INTS7: variants seen among roughly 807,000 people sequenced by gnomAD.
The protein encoded by INTS7 is integrator complex subunit 7, also known as chromosome 1 open reading frame 73.
Under a neutral mutation model 109.2 loss-of-function variants are expected in INTS7, and 46 were observed. That is an observed-to-expected ratio of 0.42 (90% CI 0.33 to 0.54). The LOEUF is 0.54. Among genes scored for constraint, INTS7 ranks in the 20% least tolerant of loss-of-function variants. The pLI, the probability that INTS7 is intolerant of heterozygous loss-of-function variation, is 0.07. For missense variants in INTS7, 929 were observed against 1,132.4 expected (o/e 0.82, Z 2.58); for synonymous variants, 412 against 402.9 (o/e 1.02, Z -0.27).
At chr1:211,961,479 G>A (rs1260849835) in intron 16 of INTS7, among the ~76,000 whole-genome samples, 1 of 151,598 alleles carries the variant, frequency 6.6e-6, no homozygotes, top group Non-Finnish European at 1.5e-5. Flanking sequence ...GCCCAGGCTG[G>A]AGTGCAGTGG....
intron 13 of INTS7, among the ~76,000 whole-genome samples, chr1:211,970,006 C>T (rs572812541): frequency 1.3e-5 from 2 of 152,264 alleles, no homozygotes; most frequent in South Asian, 4.1e-4. Context: ...GTGAGAGCCA[C>T]CGCGCCTGGC....
intron 7 of INTS7, among the ~76,000 whole-genome samples, chr1:212,000,494 C>G (rs1169806787): frequency 6.6e-6 from 1 of 152,170 alleles, no homozygotes; most frequent in Non-Finnish European, 1.5e-5. Flanking sequence ...AACCCCAACC[C>G]TACAATCTGT....
chr1:211,994,152 C>G (rs74453650), intron 7 of INTS7, among the ~76,000 whole-genome samples: 3,968 of 152,078 alleles, frequency 0.026, 58 homozygotes, highest in African/African-American at 0.046. Context: ...AAGGGAAGCC[C>G]TACAATTACT....
rs559941078 is a variant in INTS7 at position 211,968,955 on chromosome 1, A to T, written c.1816-248T>A. Among the ~76,000 whole-genome samples the T allele has an allele frequency of 1.2e-4, 19 of 152,278 alleles. No individual in the cohort carries two copies. In the East Asian group the frequency reaches 3.5e-3, roughly 28 times the overall value. On this transcript the variant is annotated intron_variant, in intron 13 of 19. Coordinates refer to ENST00000366994, the MANE Select transcript of INTS7 (RefSeq NM_015434.4). ...TTCCTTACTGCCTACATTCACAAAGACCCCATAATATGTGAATTGTCAAGA... is the reference window on the plus strand; with the variant it reads ...TTCCTTACTGCCTACATTCACAAAGTCCCCATAATATGTGAATTGTCAAGA...
At chr1:211,945,544 A>T (rs1662811145) in intron 18 of INTS7, among the ~76,000 whole-genome samples, 1 of 152,222 alleles carries the variant, frequency 6.6e-6, no homozygotes, top group Admixed American at 6.5e-5. Context: ...GAAAAGATGG[A>T]AGAAATTTGA....
intron 15 of INTS7, among the ~76,000 whole-genome samples, chr1:211,967,455 A>C (rs1330209926): frequency 1.3e-5 from 2 of 150,388 alleles, no homozygotes; most frequent in Admixed American, 6.6e-5. Context: ...CCATCTCAAA[A>C]AAAAAAAAAA....
intron 7 of INTS7, among the ~76,000 whole-genome samples, chr1:211,991,570 A>T (rs1311782909): frequency 6.6e-6 from 1 of 152,232 alleles, no homozygotes; most frequent in Non-Finnish European, 1.5e-5. Flanking sequence ...GTTGGCATTT[A>T]AAAAACTGAA....
chr1:212,012,848 T>G (rs149619458), intron 4 of INTS7, among the ~76,000 whole-genome samples: 18 of 152,308 alleles, frequency 1.2e-4, no homozygotes, highest in African/African-American at 4.3e-4. Context: ...GATTCTCATA[T>G]ATAAAATTTA....
chr1:212,035,194 A>G lies in INTS7; in HGVS notation c.94+150T>C, dbSNP rs898551756. 9.4e-6 allele frequency: 6 copies of G among 637,606 alleles called. No homozygotes were observed. In the Admixed American group the frequency reaches 1.3e-4, roughly 13 times the overall value. The allele number at this position is 637,606 out of a possible 1,614,324, so 39.5% of individuals were successfully genotyped here. On this transcript the variant is annotated intron_variant, in intron 1 of 19. Coordinates refer to ENST00000366994, the MANE Select transcript of INTS7 (RefSeq NM_015434.4). ...TTTCCCGCAACCTCCCGAAGGGGTC[A>G]AAGCCCACGCCCCAGCAAAAGCACA...
At chr1:212,000,855 C>T (rs1278038880) in intron 7 of INTS7, among the ~76,000 whole-genome samples, 1 of 152,154 alleles carries the variant, frequency 6.6e-6, no homozygotes, top group Non-Finnish European at 1.5e-5. Flanking sequence ...CCTTCCTATT[C>T]TATGTGAACT....
intron 18 of INTS7, 122 bp from the exon 19 acceptor site, chr1:211,945,091 C>T (rs1157415001): frequency 2.5e-6 from 2 of 797,846 alleles, no homozygotes; most frequent in Non-Finnish European, 4.0e-6. Flanking sequence ...CCCACCCCCA[C>T]AGGACCTGAC....
In INTS7 at chr1:212,001,400, G is replaced by A. The variant is rs116535157; in HGVS notation, c.879+5239C>T. 3.7e-3 allele frequency among the ~76,000 whole-genome samples: 570 copies of A among 152,106 alleles called. 5 individuals are homozygous for A. Among genetic ancestry groups the A allele is most frequent in the African/African-American group, 0.013 (533 of 41,470 alleles). On this transcript the variant is annotated intron_variant, in intron 7 of 19. Coordinates refer to ENST00000366994, the MANE Select transcript of INTS7 (RefSeq NM_015434.4). ...TACAGTAGGCACTCAATATTCATGGGTTCCGCATCCACTGATTCAACCAAA... is the reference window on the plus strand; with the variant it reads ...TACAGTAGGCACTCAATATTCATGGATTCCGCATCCACTGATTCAACCAAA...
At chr1:212,003,305 C>CA (rs35903155) in intron 7 of INTS7, among the ~76,000 whole-genome samples, 3,027 of 61,434 alleles carry the variant, frequency 0.049, 61 homozygotes, top group African/African-American at 0.087. Flanking sequence ...AATTTTAAAG[C>CA]AAAAAAAAAA....
At chr1:212,023,580 CT>C (rs1666799578) in intron 1 of INTS7, among the ~76,000 whole-genome samples, 1 of 152,082 alleles carries the variant, frequency 6.6e-6, no homozygotes, top group African/African-American at 2.4e-5. Flanking sequence ...CCTTTGCCCA[CT>C]TTTTAATAGG....
chr1:212,032,958 G>C (rs953285286), intron 1 of INTS7, among the ~76,000 whole-genome samples: 3 of 152,152 alleles, frequency 2.0e-5, no homozygotes, highest in Admixed American at 2.0e-4. Context: ...GTTTTCTCCA[G>C]TCCCTTTCAT....
At chr1:211,971,360 G>T (rs1237188380) in intron 13 of INTS7, among the ~76,000 whole-genome samples, 1 of 152,160 alleles carries the variant, frequency 6.6e-6, no homozygotes, top group Non-Finnish European at 1.5e-5. Context: ...CAGTATGTTG[G>T]TAACAGCAAG....
chr1:212,035,483 T>C lies in INTS7; in HGVS notation c.-46A>G. 7.2e-7 allele frequency: 1 copy of C among 1,394,414 alleles called. No individual in the cohort carries two copies. The highest frequency in any genetic ancestry group is 1.0e-6 in the Non-Finnish European group (1 of 980,110). The allele number at this position is 1,394,414 out of a possible 1,614,324, so 86.4% of individuals were successfully genotyped here. On this transcript the variant is annotated 5_prime_UTR_variant, in exon 1 of 20. Transcript: ENST00000366994. ...TAGCCTAGTCAGAAAGCTTGCAAACTCTACCCCAGGACCGCCATCTTCCCC... is the reference window on the plus strand; with the variant it reads ...TAGCCTAGTCAGAAAGCTTGCAAACCCTACCCCAGGACCGCCATCTTCCCC...
intron 4 of INTS7, among the ~76,000 whole-genome samples, chr1:212,015,860 C>T (rs1170419558): frequency 1.3e-5 from 2 of 151,176 alleles, no homozygotes; most frequent in Non-Finnish European, 2.9e-5. Context: ...AAATTATATA[C>T]CATCTTACCA....
chr1:212,028,483 A>G (rs1667024349), intron 1 of INTS7, among the ~76,000 whole-genome samples: 1 of 152,118 alleles, frequency 6.6e-6, no homozygotes, highest in Non-Finnish European at 1.5e-5. Flanking sequence ...ATAGCCATGT[A>G]CCCCACTGTA....
Sources: allele counts gnomAD v4.1 joint callset (sites outside exome capture counted in the v4.1 genomes callset), GRCh38; gene constraint gnomAD v4.1.1; transcripts MANE v1.5; gene names NCBI Gene and HGNC (gene_info 2026-07-23, HGNC 2026-07-21).